The following TMEM135 variants were observed in gnomAD, a reference collection of about 807,000 sequenced individuals.
TMEM135 encodes the protein transmembrane protein 135.
In TMEM135, 30 loss-of-function variants were observed where a neutral mutation model predicts 60.3. The observed-to-expected ratio is 0.50, with a 90% CI of 0.37 to 0.68. The LOEUF (loss-of-function observed/expected upper bound fraction) is 0.68. Ranked by LOEUF, TMEM135 falls within the 30% of genes least tolerant of loss-of-function variation. TMEM135 has a pLI of 0.00. For synonymous variants in TMEM135, 190 were observed against 186.7 expected, an observed-to-expected ratio of 1.02 and a Z score of -0.14; for missense variants, 468 against 548.8, an observed-to-expected ratio of 0.85 and a Z score of 1.47.
intron 6 of TMEM135, among the ~76,000 whole-genome samples, chr11:87,261,969 T>A (rs995352030): frequency 6.6e-6 from 1 of 152,198 alleles, no homozygotes; most frequent in African/African-American, 2.4e-5. Context: ...TTTATATTTT[T>A]AAAAATGAGA....
At chr11:87,187,303 T>C (rs1939677158) in intron 5 of TMEM135, among the ~76,000 whole-genome samples, 1 of 152,190 alleles carries the variant, frequency 6.6e-6, no homozygotes, top group Non-Finnish European at 1.5e-5. Context: ...GCAGGGAAAG[T>C]ATGTGTACTA....
intron 6 of TMEM135, among the ~76,000 whole-genome samples, chr11:87,290,396 T>C (rs1942243307): frequency 6.6e-6 from 1 of 152,214 alleles, no homozygotes; most frequent in Non-Finnish European, 1.5e-5. Flanking sequence ...TTTGCATCCC[T>C]ATAAATGTGT....
chr11:87,320,087 A>G (rs1942796241), intron 14 of TMEM135, among the ~76,000 whole-genome samples: 1 of 152,180 alleles, frequency 6.6e-6, no homozygotes, highest in Non-Finnish European at 1.5e-5. Flanking sequence ...ATAATAGCAA[A>G]TACTAGTATA....
chr11:87,117,511 G>A (rs1426397973), intron 4 of TMEM135, among the ~76,000 whole-genome samples: 1 of 152,124 alleles, frequency 6.6e-6, no homozygotes, highest in African/African-American at 2.4e-5. Context: ...AATGTCCACA[G>A]CATAATCACC....
intron 5 of TMEM135, among the ~76,000 whole-genome samples, chr11:87,188,881 T>C (rs746943644): frequency 3.9e-5 from 6 of 152,206 alleles, no homozygotes; most frequent in Non-Finnish European, 7.3e-5. Context: ...TTTGTATTCA[T>C]CTTCACATAA....
intron 4 of TMEM135, among the ~76,000 whole-genome samples, chr11:87,116,091 A>G (rs1359655325): frequency 6.6e-6 from 1 of 152,130 alleles, no homozygotes; most frequent in Non-Finnish European, 1.5e-5. Context: ...GTTAACATTC[A>G]TTCTGTTACT....
intron 12 of TMEM135, among the ~76,000 whole-genome samples, chr11:87,314,785 AT>A (rs371945791): frequency 2.0e-3 from 297 of 151,934 alleles, no homozygotes; most frequent in African/African-American, 6.6e-3. Context: ...TTCAACAGTT[AT>A]CAGTATTTGG....
chr11:87,270,543 C>G (rs1941844279), intron 6 of TMEM135, among the ~76,000 whole-genome samples: 1 of 152,158 alleles, frequency 6.6e-6, no homozygotes, highest in African/African-American at 2.4e-5. Context: ...CAATATATAA[C>G]TAAAGAACAT....
rs554412457 is a variant in TMEM135, at chr11:87,302,483, GTT to G, written c.698+43_698+44del. The stretch of plus-strand genomic sequence containing the variant: ...TGATATTTTAACCTGCTTTGTCACT[GTT>G]TCATATGATATTTGTACCATGCCAA... On this transcript the variant is annotated intron_variant, in intron 8 of 14. Coordinates refer to ENST00000305494, the MANE Select transcript of TMEM135 (RefSeq NM_022918.4). 1,141 of 1,612,062 alleles carry G rather than the reference GTT, an allele frequency of 7.1e-4. 7 individuals are homozygous for G. The African/African-American group carries it at 0.013, about 18-fold the overall frequency.
At position 87,037,961 on chromosome 11, in the gene TMEM135, C is replaced by A. The variant is rs756450261; in HGVS notation, c.-85C>A. The A allele has an allele frequency of 2.5e-6, 4 of 1,593,766 alleles. No homozygotes were observed. Among genetic ancestry groups the A allele is most frequent in the African/African-American group, 2.7e-5 (2 of 74,672 alleles). ...TCCGCACCTCCGAGTGCTGGCCGGG[C>A]GAGAGGCTGGCGGCTGGGCTCTCGC... is the stretch of plus-strand genomic sequence containing the variant. On this transcript the variant is annotated 5_prime_UTR_variant, in exon 1 of 15. Transcript: ENST00000305494.
At chr11:87,233,855 G>C (rs1459163647) in intron 5 of TMEM135, among the ~76,000 whole-genome samples, 1 of 151,972 alleles carries the variant, frequency 6.6e-6, no homozygotes, top group Non-Finnish European at 1.5e-5. Context: ...ATGATGGTTT[G>C]TTTCAAAATT....
intron 4 of TMEM135, among the ~76,000 whole-genome samples, chr11:87,150,646 TG>T (rs780323057): frequency 1.2e-4 from 18 of 152,236 alleles, no homozygotes; most frequent in Admixed American, 6.5e-4. Context: ...ACTTTTTATT[TG>T]CTTAGTTTCT....
chr11:87,154,292 G>GTA lies in TMEM135; in HGVS notation c.397-3046_397-3045dup, dbSNP rs200569737. On this transcript the variant is annotated intron_variant, in intron 4 of 14. Transcript: ENST00000305494. ...AATATCTTCAGTGCTCATCCATGTT[G>GTA]TATACTATATCAGAATTTCATTCTT... Among the ~76,000 whole-genome samples the GTA allele has an allele frequency of 7.5e-3, 1,147 of 152,226 alleles. 14 individuals carry two copies. The highest frequency in any genetic ancestry group is 0.026 in the African/African-American group (1,090 of 41,530).
At chr11:87,161,159 A>G (rs184854496) in intron 5 of TMEM135, among the ~76,000 whole-genome samples, 2 of 152,040 alleles carry the variant, frequency 1.3e-5, no homozygotes, top group African/African-American at 4.8e-5. Flanking sequence ...CCGCCTCCCA[A>G]AGTGTTGGAA....
chr11:87,118,933 A>G (rs773472478), intron 4 of TMEM135, among the ~76,000 whole-genome samples: 13 of 152,086 alleles, frequency 8.5e-5, no homozygotes, highest in African/African-American at 1.2e-4. Context: ...TGGTGAAGGG[A>G]ATGTTGTGGT....
intron 6 of TMEM135, among the ~76,000 whole-genome samples, chr11:87,267,716 A>G (rs1044726772): frequency 1.0e-5 from 1 of 97,174 alleles, no homozygotes; most frequent in Non-Finnish European, 2.3e-5. Context: ...TTTTTTTGAA[A>G]TGGAGTCAGT....
intron 6 of TMEM135, among the ~76,000 whole-genome samples, chr11:87,265,926 A>G (rs1941739281): frequency 6.6e-6 from 1 of 152,154 alleles, no homozygotes; most frequent in Non-Finnish European, 1.5e-5. Flanking sequence ...TTACGTGCAT[A>G]TAATTTGTAG....
At chr11:87,174,881 GT>G (rs1372505325) in intron 5 of TMEM135, among the ~76,000 whole-genome samples, 1 of 152,084 alleles carries the variant, frequency 6.6e-6, no homozygotes, top group African/African-American at 2.4e-5. Flanking sequence ...CAGATTTACT[GT>G]ATATACAGAG....
chr11:87,325,126 T>A lies in TMEM135; in HGVS notation c.*3793T>A. 4.4e-6 allele frequency: 2 copies of A among 452,378 alleles called. No individual in the cohort carries two copies. The highest frequency in any genetic ancestry group is 2.1e-5 in the African/African-American group (1 of 48,718). The allele number at this position is 452,378 out of a possible 1,614,324, so 28.0% of individuals were successfully genotyped here. A position where few individuals can be genotyped will look rare whatever the true frequency, so the allele number is the denominator to read the frequency against. The stretch of plus-strand genomic sequence containing the variant: ...AAGAAAGGAGTGTCAAGGACTGAGA[T>A]GACCCTCAGATTGGGGGGCTGTCTT... On this transcript the variant is annotated 3_prime_UTR_variant, in exon 15 of 15. Coordinates refer to ENST00000305494, the MANE Select transcript of TMEM135 (RefSeq NM_022918.4).
Sources: gnomAD v4.1 joint callset for allele counts (sites outside exome capture counted in the v4.1 genomes callset) on GRCh38, gnomAD v4.1.1 for gene constraint, MANE v1.5 for transcripts, NCBI Gene and HGNC (gene_info 2026-07-23, HGNC 2026-07-21) for gene names.